Variants in SEMA6A observed in about 807,000 individuals in gnomAD.
SEMA6A encodes the protein semaphorin 6A, also known as semaphorin-6A.
Under a neutral mutation model 96.8 loss-of-function variants are expected in SEMA6A, and 25 were observed. The observed-to-expected ratio is 0.26, with a 90% CI of 0.19 to 0.36. SEMA6A has a LOEUF of 0.36. Ranked by LOEUF, SEMA6A falls within the 10% of genes least tolerant of loss-of-function variation. The pLI, the probability that SEMA6A is intolerant of heterozygous loss-of-function variation, is 1.00. For synonymous variants in SEMA6A, 612 were observed against 518.0 expected (o/e 1.18, Z -2.46); for missense variants, 1,363 against 1,323.1 (o/e 1.03, Z -0.47).
intron 1 of SEMA6A, among the ~76,000 whole-genome samples, chr5:116,566,507 C>T (rs562979974): frequency 6.6e-6 from 1 of 152,068 alleles, no homozygotes; most frequent in Non-Finnish European, 1.5e-5. Flanking sequence ...TGATTTATCT[C>T]ACACTCTTTC....
intron 1 of SEMA6A, among the ~76,000 whole-genome samples, chr5:116,520,475 TA>T (rs557672832): frequency 6.6e-6 from 1 of 151,920 alleles, no homozygotes; most frequent in Non-Finnish European, 1.5e-5. Flanking sequence ...AATGAAGCTC[TA>T]AAAAAAGAGT....
intron 1 of SEMA6A, chr5:116,507,967 C>T (rs933228428): frequency 6.6e-6 from 1 of 152,190 alleles, no homozygotes; most frequent in Non-Finnish European, 1.5e-5. Context: ...TTTGTCAGGT[C>T]TATTTAGGTT....
rs1760411772 is a variant in SEMA6A at position 116,551,603 on chromosome 5, TAG to T, written c.-39+22580_-39+22581del. On this transcript the variant is annotated intron_variant, in intron 1 of 18. Transcript: ENST00000343348. ...AGGAGCTTGCCTGATGTCACACAGC[TAG>T]AGAGTGATGGATTTGAACCCAGGCA... Among the ~76,000 whole-genome samples the T allele has an allele frequency of 2.0e-5, 3 of 152,154 alleles. No individual in the cohort carries two copies. The South Asian group carries it at 6.2e-4, about 31-fold the overall frequency.
intron 1 of SEMA6A, among the ~76,000 whole-genome samples, chr5:116,560,729 C>G (rs1292266019): frequency 6.6e-6 from 1 of 151,874 alleles, no homozygotes; most frequent in African/African-American, 2.4e-5. Context: ...GACTAGAATC[C>G]CAAATAAAAT....
At chr5:116,510,370 C>T (rs1419039832) in intron 1 of SEMA6A, among the ~76,000 whole-genome samples, 1 of 152,168 alleles carries the variant, frequency 6.6e-6, no homozygotes, top group Non-Finnish European at 1.5e-5. Context: ...TTTAAAAACT[C>T]CTACGTGACA....
chr5:116,540,604 G>T (rs903305647), intron 1 of SEMA6A, among the ~76,000 whole-genome samples: 1 of 152,192 alleles, frequency 6.6e-6, no homozygotes, highest in African/African-American at 2.4e-5. Flanking sequence ...CAAGATAGGG[G>T]CTGGGGGCAG....
chr5:116,490,803 T>C (rs530717572), intron 7 of SEMA6A, among the ~76,000 whole-genome samples: 1 of 152,206 alleles, frequency 6.6e-6, no homozygotes, highest in Non-Finnish European at 1.5e-5. Context: ...GTGATGGAAA[T>C]TATAGCTAAC....
chr5:116,472,570 G>C (rs951280125), intron 17 of SEMA6A: 2 of 274,640 alleles, frequency 7.3e-6, no homozygotes, highest in African/African-American at 4.5e-5. Context: ...TTATTCCTTT[G>C]TCTTGGATAT....
chr5:116,448,755 CAAAA>C (rs3984966), intron 18 of SEMA6A, among the ~76,000 whole-genome samples: 19 of 106,508 alleles, frequency 1.8e-4, no homozygotes, highest in East Asian at 2.8e-4. Flanking sequence ...CATCACCTCT[CAAAA>C]AAAAAAAAAA....
chr5:116,482,106 AATC>A (rs536738314), intron 11 of SEMA6A, among the ~76,000 whole-genome samples: 168 of 152,228 alleles, frequency 1.1e-3, no homozygotes, highest in African/African-American at 3.7e-3. Context: ...AAGCAGCGGA[AATC>A]ACCACCCCCA....
chr5:116,480,118 C>T lies in SEMA6A; in HGVS notation c.1250+4G>A, dbSNP rs1010053965. ...CATCAGGACACGGTTTGTTTGACAC[C>T]CACCTGACCATTGTTCTCAGGAACC... On this transcript the variant is annotated splice_donor_region_variant and intron_variant, in intron 12 of 18. Coordinates refer to ENST00000343348, the MANE Select transcript of SEMA6A (RefSeq NM_020796.5). The T allele has an allele frequency of 6.2e-7, 1 of 1,613,372 alleles. No homozygotes were observed.
intron 16 of SEMA6A, 42 bp from the exon 17 acceptor site, chr5:116,473,135 G>A (rs770691643): frequency 1.9e-5 from 30 of 1,572,182 alleles, no homozygotes; most frequent in East Asian, 9.3e-5. Context: ...AATGTTTTAC[G>A]CTCTGCTTGG....
intron 1 of SEMA6A, among the ~76,000 whole-genome samples, chr5:116,556,880 A>C (rs75387151): frequency 0.021 from 3,133 of 152,338 alleles, 47 homozygotes; most frequent in Middle Eastern, 0.031. Flanking sequence ...CGTTACCTTC[A>C]TAATCCACTG....
intron 1 of SEMA6A, among the ~76,000 whole-genome samples, chr5:116,558,849 A>C (rs1285189322): frequency 5.3e-5 from 8 of 152,250 alleles, no homozygotes; most frequent in Non-Finnish European, 1.0e-4. Context: ...TCAGTTGCAC[A>C]TGGCAATTTA....
At chr5:116,542,929 T>G (rs1003696835) in intron 1 of SEMA6A, among the ~76,000 whole-genome samples, 5 of 152,268 alleles carry the variant, frequency 3.3e-5, no homozygotes, top group East Asian at 1.9e-4. Context: ...TGATTTTTTT[T>G]GGGGGGTCAT....
intron 1 of SEMA6A, among the ~76,000 whole-genome samples, chr5:116,544,324 T>C (rs1354365041): frequency 2.0e-5 from 3 of 150,616 alleles, no homozygotes; most frequent in African/African-American, 7.3e-5. Flanking sequence ...GGTCTTACTC[T>C]GTCACCTAGA....
At chr5:116,535,692 C>A (rs1759675999) in intron 1 of SEMA6A, among the ~76,000 whole-genome samples, 1 of 152,172 alleles carries the variant, frequency 6.6e-6, no homozygotes, top group Non-Finnish European at 1.5e-5. Context: ...GCAGCACTTT[C>A]AACAAATGTC....
chr5:116,519,567 C>A (rs894554872), intron 1 of SEMA6A, among the ~76,000 whole-genome samples: 1 of 151,916 alleles, frequency 6.6e-6, no homozygotes, highest in African/African-American at 2.4e-5. Context: ...GGGAACAGTG[C>A]GGATATTGGG....
intron 18 of SEMA6A, among the ~76,000 whole-genome samples, chr5:116,461,981 T>G (rs1252899273): frequency 1.3e-5 from 2 of 152,158 alleles, no homozygotes; most frequent in African/African-American, 4.8e-5. Flanking sequence ...CAGAGAAAAT[T>G]AAGCCCAAGT....
Sources: allele counts gnomAD v4.1 joint callset (sites outside exome capture counted in the v4.1 genomes callset), GRCh38; gene constraint gnomAD v4.1.1; transcripts MANE v1.5; gene names NCBI Gene and HGNC (gene_info 2026-07-23, HGNC 2026-07-21).